Variants in LHFPL3 observed in about 807,000 individuals in gnomAD.
LHFPL3 encodes the protein LHFPL tetraspan subfamily member 3 protein.
A neutral mutation model predicts 19.3 loss-of-function variants in LHFPL3; 5 were observed. The observed-to-expected ratio is 0.26, with a 90% CI of 0.14 to 0.54. LHFPL3 has a LOEUF of 0.54. Ranked by LOEUF, LHFPL3 falls within the 20% of genes least tolerant of loss-of-function variation. The pLI is 0.94. For missense variants in LHFPL3, 249 were observed against 307.4 expected (o/e 0.81, Z 1.42); for synonymous variants, 133 against 126.2 (o/e 1.05, Z -0.36).
intron 2 of LHFPL3, among the ~76,000 whole-genome samples, chr7:104,905,629 G>A (rs1202917478): frequency 6.6e-6 from 1 of 152,076 alleles, no homozygotes; most frequent in African/African-American, 2.4e-5. Context: ...TTAGAAAATT[G>A]TCTTTAATGT....
intron 1 of LHFPL3, among the ~76,000 whole-genome samples, chr7:104,371,009 C>T (rs1168416854): frequency 6.6e-6 from 1 of 152,178 alleles, no homozygotes; most frequent in Non-Finnish European, 1.5e-5. Context: ...TCTTAAACTG[C>T]AACACTATTC....
At chr7:104,743,492 T>G (rs1480490561) in intron 2 of LHFPL3, among the ~76,000 whole-genome samples, 1 of 152,204 alleles carries the variant, frequency 6.6e-6, no homozygotes, top group Admixed American at 6.5e-5. Flanking sequence ...TTAAAATATT[T>G]AAAAATATTT....
chr7:104,622,267 A>C lies in LHFPL3; in HGVS notation c.446-114408A>C, dbSNP rs114468418. 2.9e-3 allele frequency among the ~76,000 whole-genome samples: 447 copies of C among 151,786 alleles called. 1 individual carries two copies. The highest frequency in any genetic ancestry group is 0.01 in the African/African-American group (431 of 41,372). On this transcript the variant is annotated intron_variant, in intron 1 of 2. Coordinates refer to ENST00000424859, the MANE Select transcript of LHFPL3 (RefSeq NM_199000.3). ...TGGGACCACAGGCATGGGCCACCACACTCAGCTCATTTTTTTTGTATTTCT... is the reference window on the plus strand; with the variant it reads ...TGGGACCACAGGCATGGGCCACCACCCTCAGCTCATTTTTTTTGTATTTCT...
At chr7:104,494,223 A>G (rs554943365) in intron 1 of LHFPL3, among the ~76,000 whole-genome samples, 17 of 152,334 alleles carry the variant, frequency 1.1e-4, no homozygotes, top group Admixed American at 9.1e-4. Flanking sequence ...TTTACAAAAT[A>G]ATATGTGTAA....
At chr7:104,626,516 A>G (rs1262975646) in intron 1 of LHFPL3, among the ~76,000 whole-genome samples, 3 of 152,144 alleles carry the variant, frequency 2.0e-5, no homozygotes, top group African/African-American at 7.2e-5. Context: ...AGTTTGGGGT[A>G]TTTGACATAT....
At chr7:104,739,628 A>G (rs1562978354) in intron 2 of LHFPL3, among the ~76,000 whole-genome samples, 1 of 152,014 alleles carries the variant, frequency 6.6e-6, no homozygotes, top group Non-Finnish European at 1.5e-5. Flanking sequence ...GGATTTCACT[A>G]TTAAGTTTTT....
chr7:104,352,093 A>T (rs1033336375), intron 1 of LHFPL3, among the ~76,000 whole-genome samples: 6 of 151,826 alleles, frequency 4.0e-5, no homozygotes, highest in South Asian at 2.1e-4. Context: ...TGAGCTCAGG[A>T]TTTGGAGGCT....
At chr7:104,897,704 C>T (rs1792393999) in intron 2 of LHFPL3, among the ~76,000 whole-genome samples, 2 of 152,208 alleles carry the variant, frequency 1.3e-5, no homozygotes, top group South Asian at 2.1e-4. Context: ...ACTTATTAAA[C>T]ACACTGATTC....
At chr7:104,839,770 C>G (rs1791161168) in intron 2 of LHFPL3, among the ~76,000 whole-genome samples, 1 of 152,200 alleles carries the variant, frequency 6.6e-6, no homozygotes, top group Admixed American at 6.5e-5. Flanking sequence ...TTAAGTCTCT[C>G]TGCACTCAGA....
chr7:104,386,970 A>T (rs959255427), intron 1 of LHFPL3, among the ~76,000 whole-genome samples: 3 of 152,174 alleles, frequency 2.0e-5, no homozygotes, highest in African/African-American at 4.8e-5. Flanking sequence ...ACACACAAAG[A>T]AACAGGTAAG....
Position 104,821,224 on chromosome 7 carries a change from G to T in LHFPL3, c.682+84313G>T, listed in dbSNP as rs73417618. Among the ~76,000 whole-genome samples the T allele has an allele frequency of 4.2e-3, 644 of 152,300 alleles. 6 individuals carry two copies. The highest frequency in any genetic ancestry group is 0.015 in the African/African-American group (616 of 41,564). ...TGGGTTTTCACAAGTGTCTATGAGT[G>T]GCGAGGACATGGGTGGGCTGCCTCT... On this transcript the variant is annotated intron_variant, in intron 2 of 2. Transcript: ENST00000424859.
At chr7:104,454,144 GA>G (rs1272296378) in intron 1 of LHFPL3, among the ~76,000 whole-genome samples, 1 of 152,224 alleles carries the variant, frequency 6.6e-6, no homozygotes, top group East Asian at 1.9e-4. Context: ...ACCAAAGAGG[GA>G]GATGGAGATT....
chr7:104,578,716 C>T (rs995681590), intron 1 of LHFPL3, among the ~76,000 whole-genome samples: 4 of 152,084 alleles, frequency 2.6e-5, no homozygotes, highest in Admixed American at 2.6e-4. Context: ...CTACCCCCAA[C>T]CAGTAAGGAC....
At chr7:104,832,976 A>C (rs1160042775) in intron 2 of LHFPL3, among the ~76,000 whole-genome samples, 1 of 35,892 alleles carries the variant, frequency 2.8e-5, no homozygotes, top group Non-Finnish European at 5.7e-5. Context: ...ATATATATAT[A>C]TCCTGGGTTA....
chr7:104,616,644 A>T (rs1226228332), intron 1 of LHFPL3, among the ~76,000 whole-genome samples: 2 of 152,208 alleles, frequency 1.3e-5, no homozygotes, highest in Non-Finnish European at 2.9e-5. Flanking sequence ...AATGGGATCT[A>T]ATTAAACTAA....
intron 2 of LHFPL3, among the ~76,000 whole-genome samples, chr7:104,847,012 T>A (rs557940881): frequency 1.7e-4 from 26 of 151,480 alleles, no homozygotes; most frequent in African/African-American, 4.7e-4. Context: ...GCAAGGGCCT[T>A]GTGAATTTCT....
intron 1 of LHFPL3, among the ~76,000 whole-genome samples, chr7:104,551,948 A>G (rs1461718497): frequency 6.6e-6 from 1 of 151,868 alleles, no homozygotes; most frequent in Non-Finnish European, 1.5e-5. Flanking sequence ...TCTCTCTAAA[A>G]CTTTCAGTGT....
chr7:104,843,423 T>G (rs1299765065), intron 2 of LHFPL3, among the ~76,000 whole-genome samples: 6 of 152,178 alleles, frequency 3.9e-5, no homozygotes. Context: ...TGACTCACCC[T>G]TTCTGGAAAG....
chr7:104,763,937 A>T (rs1794415458), intron 2 of LHFPL3, among the ~76,000 whole-genome samples: 1 of 152,216 alleles, frequency 6.6e-6, no homozygotes, highest in South Asian at 2.1e-4. Flanking sequence ...TCCAATAAGG[A>T]TACATGGAAA....
Sources: gnomAD v4.1 joint callset for allele counts (sites outside exome capture counted in the v4.1 genomes callset) on GRCh38, gnomAD v4.1.1 for gene constraint, MANE v1.5 for transcripts, NCBI Gene and HGNC (gene_info 2026-07-23, HGNC 2026-07-21) for gene names.